Variants in SLC30A5 observed in about 807,000 individuals in gnomAD.
The protein encoded by SLC30A5 is proton-coupled zinc antiporter SLC30A5.
SLC30A5 carries 33 observed loss-of-function variants against 79.6 expected under a neutral mutation model. The observed-to-expected ratio is 0.41, with a 90% confidence interval of 0.31 to 0.55. SLC30A5 has a LOEUF of 0.55. Ranked by LOEUF, SLC30A5 falls within the 20% of genes least tolerant of loss-of-function variation. The pLI is 0.20. For synonymous variants in SLC30A5, 299 were observed against 319.7 expected (o/e 0.94, Z 0.69); for missense variants, 788 against 928.1 (o/e 0.85, Z 1.96).
chr5:69,106,412 A>G lies in SLC30A5; in HGVS notation c.359+1696A>G, dbSNP rs75177629. Among the ~76,000 whole-genome samples, 1,018 of 152,266 alleles carry G rather than the reference A, an allele frequency of 6.7e-3. 9 individuals are homozygous for G. The highest frequency in any genetic ancestry group is 0.022 in the African/African-American group (894 of 41,550). ...CTATATCACTGTCCTTTTGTGTTAC[A>G]ATAAGGAGGGAAAGAGGAAGTACTT... On this transcript the variant is annotated intron_variant, in intron 4 of 15. Coordinates refer to ENST00000396591, the MANE Select transcript of SLC30A5 (RefSeq NM_022902.5).
At chr5:69,099,503 A>G (rs1745847081) in intron 1 of SLC30A5, among the ~76,000 whole-genome samples, 1 of 152,194 alleles carries the variant, frequency 6.6e-6, no homozygotes, top group Non-Finnish European at 1.5e-5. Context: ...ATAGTGGTTG[A>G]GGAGAGATAG....
At position 69,108,329 on chromosome 5, in the gene SLC30A5, A is replaced by G. The variant is rs1463388042; in HGVS notation, c.360-20A>G. The G allele has an allele frequency of 2.6e-6, 4 of 1,549,890 alleles. No homozygotes were observed. Among genetic ancestry groups the G allele is most frequent in the Admixed American group, 1.7e-5 (1 of 59,684 alleles). On this transcript the variant is annotated intron_variant, in intron 4 of 15. Coordinates refer to ENST00000396591, the MANE Select transcript of SLC30A5 (RefSeq NM_022902.5). Reference sequence around the variant, plus strand: ...AAAGATAAATTACATTTCATAAATGATAATGTTTTATTTTTGTAGGACTTT... The same window carrying G: ...AAAGATAAATTACATTTCATAAATGGTAATGTTTTATTTTTGTAGGACTTT...
intron 15 of SLC30A5, among the ~76,000 whole-genome samples, chr5:69,128,848 A>G (rs1403686068): frequency 6.6e-6 from 1 of 152,202 alleles, no homozygotes; most frequent in Non-Finnish European, 1.5e-5. Flanking sequence ...AGATGTGCCA[A>G]ATTGGAAACA....
At chr5:69,112,110 C>G (rs35926188) in intron 5 of SLC30A5, among the ~76,000 whole-genome samples, 36,235 of 151,746 alleles carry the variant, frequency 0.24, 4,786 homozygotes, top group East Asian at 0.33. Context: ...CCACCCTGAC[C>G]AACATGGTGA....
intron 2 of SLC30A5, among the ~76,000 whole-genome samples, chr5:69,102,091 T>C (rs1398680995): frequency 1.6e-5 from 2 of 124,734 alleles, no homozygotes; most frequent in African/African-American, 3.1e-5. Flanking sequence ...TCTGGCTAGG[T>C]TGCGCAGGCT....
chr5:69,110,415 G>C (rs982135534), intron 5 of SLC30A5, among the ~76,000 whole-genome samples: 2 of 152,138 alleles, frequency 1.3e-5, no homozygotes, highest in African/African-American at 4.8e-5. Context: ...GTAATGAAGT[G>C]AACAAAGTAA....
chr5:69,130,273 C>A lies in SLC30A5; in HGVS notation c.*656C>A, dbSNP rs545038206. 3.9e-5 allele frequency: 6 copies of A among 152,166 alleles called. No homozygotes were observed. In the East Asian group the frequency reaches 1.2e-3, roughly 29 times the overall value. 9.4% of individuals were successfully genotyped at this position (152,166 alleles called of 1,614,324 possible). ...TTTTTTTTACTTTTGGTAATATTTG[C>A]AAATGAATAATTAATTTATTAGGGT... On this transcript the variant is annotated 3_prime_UTR_variant, in exon 16 of 16. Coordinates refer to ENST00000396591, the MANE Select transcript of SLC30A5 (RefSeq NM_022902.5).
chr5:69,130,371 T>C lies in SLC30A5; in HGVS notation c.*754T>C, dbSNP rs1306062366. 6.6e-6 allele frequency: 1 copy of C among 152,178 alleles called. No homozygotes were observed. The highest frequency in any genetic ancestry group is 2.4e-5 in the African/African-American group (1 of 41,462). The allele number at this position is 152,178 out of a possible 1,614,324, so 9.4% of individuals were successfully genotyped here. A position where few individuals can be genotyped will look rare whatever the true frequency, so the allele number is the denominator to read the frequency against. ...GTTCCTTTAAAGTAGAATATTTCCT[T>C]TCTTGTTATATATTTGACATTCCAA... On this transcript the variant is annotated 3_prime_UTR_variant, in exon 16 of 16. Transcript: ENST00000396591.
intron 14 of SLC30A5, among the ~76,000 whole-genome samples, chr5:69,123,991 T>TCA (rs1472730936): frequency 6.6e-6 from 1 of 151,514 alleles, no homozygotes; most frequent in East Asian, 1.9e-4. Flanking sequence ...CGGGCACCTG[T>TCA]AGTCCCAGCT....
chr5:69,113,085 C>T, intron 5 of SLC30A5, 55 bp from the exon 6 acceptor site: 8 of 1,423,842 alleles, frequency 5.6e-6, no homozygotes, highest in Non-Finnish European at 7.8e-6. Context: ...TAGTTACGGT[C>T]TTAAAAATCA....
chr5:69,112,513 A>G (rs1295518021), intron 5 of SLC30A5, among the ~76,000 whole-genome samples: 2 of 151,926 alleles, frequency 1.3e-5, no homozygotes, highest in African/African-American at 4.8e-5. Context: ...TGGTAGGCTG[A>G]GGCAAGAGGA....
chr5:69,115,425 A>G lies in SLC30A5; in HGVS notation c.783+18A>G. On this transcript the variant is annotated intron_variant, in intron 8 of 15. Transcript: ENST00000396591. ...CAACTGAGGTAAGATAAGAGCAAGA[A>G]TTTATTGGTATTAAATTGCTAGTAA... 1.3e-6 allele frequency: 2 copies of G among 1,587,036 alleles called. No homozygotes were observed. The highest frequency in any genetic ancestry group is 1.7e-6 in the Non-Finnish European group (2 of 1,161,082).
chr5:69,097,145 T>G (rs1300745140), intron 1 of SLC30A5, among the ~76,000 whole-genome samples: 2 of 130,776 alleles, frequency 1.5e-5, no homozygotes, highest in Non-Finnish European at 3.1e-5. Context: ...AGGCGGAGTC[T>G]CGCTATGTCG....
chr5:69,116,942 C>T lies in SLC30A5; in HGVS notation c.1282-297C>T, dbSNP rs1746388384. Among the ~76,000 whole-genome samples the T allele has an allele frequency of 6.6e-6, 1 of 152,132 alleles. No individual in the cohort carries two copies. The highest frequency in any genetic ancestry group is 6.5e-5 in the Admixed American group (1 of 15,270). ...ATTAGCAATCAGTGTTATAAATCAC[C>T]TATTGCTAACATTTTATAACCTAGT... On this transcript the variant is annotated intron_variant, in intron 10 of 15. Transcript: ENST00000396591. This position sits in a 1 kb window ranked among gnomAD's most constrained non-coding sequence, Gnocchi z 4.0.
At chr5:69,126,909 A>G (rs1056247195) in intron 14 of SLC30A5, among the ~76,000 whole-genome samples, 3 of 151,964 alleles carry the variant, frequency 2.0e-5, no homozygotes, top group African/African-American at 7.2e-5. Context: ...ACCACCTGGA[A>G]AGAAATACTT....
intron 15 of SLC30A5, among the ~76,000 whole-genome samples, chr5:69,129,067 G>A (rs528891679): frequency 3.9e-5 from 6 of 152,082 alleles, no homozygotes; most frequent in Non-Finnish European, 8.8e-5. Context: ...GGGCTCAAGC[G>A]ATCCTCCTGC....
intron 7 of SLC30A5, 54 bp from the exon 8 acceptor site, chr5:69,115,183 C>T (rs240809): frequency 0.56 from 505,049 of 901,436 alleles, 128,208 homozygotes; most frequent in Non-Finnish European, 0.6. Flanking sequence ...TATTTAACGA[C>T]TGACTGTTGA....
Position 69,094,035 on chromosome 5 carries a change from C to A in SLC30A5, c.-221C>A, listed in dbSNP as rs1039979368. On this transcript the variant is annotated 5_prime_UTR_variant, in exon 1 of 16. Coordinates refer to ENST00000396591, the MANE Select transcript of SLC30A5 (RefSeq NM_022902.5). ...CAACGTCCCTACCGCCGCTGCTTCC[C>A]GGGAACCTGGCGCCGCCGGAACTGA... 7 of 391,860 alleles carry A rather than the reference C, an allele frequency of 1.8e-5. No homozygotes were observed. Among genetic ancestry groups the A allele is most frequent in the Admixed American group, 8.9e-5 (2 of 22,450 alleles). 24.3% of individuals were successfully genotyped at this position (391,860 alleles called of 1,614,324 possible). A position where few individuals can be genotyped will look rare whatever the true frequency, so the allele number is the denominator to read the frequency against.
At chr5:69,103,891 G>C in intron 3 of SLC30A5, 1 of 1,196,728 alleles carries the variant, frequency 8.4e-7, no homozygotes, top group Non-Finnish European at 1.1e-6. Context: ...TTCTGTTTCA[G>C]AGACCAAGAA....
Sources: allele counts gnomAD v4.1 joint callset (sites outside exome capture counted in the v4.1 genomes callset), GRCh38; gene constraint gnomAD v4.1.1; non-coding constraint Gnocchi (gnomAD v3.1); transcripts MANE v1.5; gene names NCBI Gene and HGNC (gene_info 2026-07-23, HGNC 2026-07-21).